The following ABCC9 variants were observed in gnomAD, a reference collection of about 807,000 sequenced individuals.
ABCC9 encodes ATP-binding cassette sub-family C member 9.
A neutral mutation model predicts 188.3 loss-of-function variants in ABCC9; 95 were observed. The observed-to-expected ratio is 0.50, with a 90% confidence interval of 0.43 to 0.60. ABCC9 has a LOEUF of 0.60. Among genes scored for constraint, ABCC9 ranks in the 20% least tolerant of loss-of-function variants. The pLI, the probability that ABCC9 is intolerant of heterozygous loss-of-function variation, is 0.00. For missense variants in ABCC9, 1,102 were observed against 1,876.3 expected (o/e 0.59, Z 7.62); for synonymous variants, 659 against 652.7 (o/e 1.01, Z -0.15).
intron 8 of ABCC9, 46 bp from the exon 9 acceptor site, chr12:21,911,024 A>G (rs1421491536): frequency 1.9e-6 from 3 of 1,589,198 alleles, no homozygotes; most frequent in African/African-American, 2.7e-5. Flanking sequence ...TCGTCTTTTT[A>G]TAGACCAGGT....
intron 15 of ABCC9, among the ~76,000 whole-genome samples, chr12:21,887,112 G>GA (rs1946914156): frequency 6.7e-6 from 1 of 148,976 alleles, no homozygotes; most frequent in South Asian, 2.1e-4. Context: ...CCTAAGTCTT[G>GA]GCACAAAGCA....
intron 15 of ABCC9, 40 bp downstream of exon 15, chr12:21,887,785 TC>T (rs1565449020): frequency 8.2e-7 from 1 of 1,218,442 alleles, no homozygotes; most frequent in East Asian, 2.3e-5. Context: ...GCTGAGACTG[TC>T]CTCTATTCAC....
At chr12:21,848,336 T>A (rs1406674987) in intron 24 of ABCC9, 90 bp from the exon 25 acceptor site, 4 of 1,145,048 alleles carry the variant, frequency 3.5e-6, no homozygotes, top group Non-Finnish European at 3.9e-6. Flanking sequence ...AATGGTTAGT[T>A]ACCTTTACCA....
intron 16 of ABCC9, among the ~76,000 whole-genome samples, chr12:21,881,954 T>G (rs1946638692): frequency 6.6e-6 from 1 of 152,210 alleles, no homozygotes; most frequent in African/African-American, 2.4e-5. Context: ...TAGCACTAGC[T>G]TGTTCCACTC....
At chr12:21,831,450 G>T (rs1490998234) in intron 30 of ABCC9, among the ~76,000 whole-genome samples, 1 of 152,108 alleles carries the variant, frequency 6.6e-6, no homozygotes, top group African/African-American at 2.4e-5. Context: ...CTCCCTTGAA[G>T]GGTCAACTGT....
intron 15 of ABCC9, among the ~76,000 whole-genome samples, chr12:21,883,206 G>T (rs1946706470): frequency 6.6e-6 from 1 of 152,194 alleles, no homozygotes; most frequent in South Asian, 2.1e-4. Context: ...CAACTGCATG[G>T]TGTTAAAAGG....
intron 22 of ABCC9, among the ~76,000 whole-genome samples, chr12:21,855,568 G>A (rs1261038763): frequency 1.3e-5 from 2 of 152,098 alleles, no homozygotes. Flanking sequence ...ATAATTGAAA[G>A]TCCATTATCT....
Position 21,868,428 on chromosome 12 carries a change from A to G in ABCC9, c.2199-3951T>C, listed in dbSNP as rs566087714. 4.6e-5 allele frequency among the ~76,000 whole-genome samples: 7 copies of G among 152,316 alleles called. No homozygotes were observed. The South Asian group carries it at 1.4e-3, about 32-fold the overall frequency. The stretch of plus-strand genomic sequence containing the variant: ...GCCGAGACAGGCGGATTATGAGGTC[A>G]GGAGATCGAGACCATCCTGGCAAAC... On this transcript the variant is annotated intron_variant, in intron 18 of 39. Transcript: ENST00000261200.
intron 5 of ABCC9, among the ~76,000 whole-genome samples, chr12:21,919,769 A>G (rs1000866768): frequency 1.3e-5 from 2 of 152,074 alleles, no homozygotes; most frequent in Non-Finnish European, 2.9e-5. Context: ...CTCATTTATG[A>G]AGCCAGTTTA....
intron 30 of ABCC9, among the ~76,000 whole-genome samples, chr12:21,831,362 C>G (rs74914122): frequency 2.6e-5 from 4 of 152,048 alleles, no homozygotes; most frequent in African/African-American, 9.7e-5. Context: ...TCCATTCATT[C>G]GGGAGCATTT....
rs1948041744 is a variant in ABCC9, at chr12:21,906,233, A to C, written c.1511T>G (p.Leu504Arg). The C allele has an allele frequency of 6.2e-7, 1 of 1,612,860 alleles. No individual in the cohort carries two copies. The highest frequency in any genetic ancestry group is 1.7e-5 in the Admixed American group (1 of 59,814). Residue 504 changes from leucine (L) to arginine (R), a missense_variant, in exon 12 of 40, where the codon CTT (leucine) becomes CGT (arginine). Transcript: ENST00000261200. Reference protein sequence around the residue: ...KTNEILKGIKLLKLYAWEHIF... With the variant: ...KTNEILKGIKRLKLYAWEHIF... ...GTGTTCCCAGGCATACAATTTTAGA[A>C]GTTTGATGCCTTTCAATATTTCATT...
Position 21,906,039 on chromosome 12 carries a change from T to A in ABCC9, c.1618+87A>T, listed in dbSNP as rs1165424959. The A allele has an allele frequency of 2.8e-6, 4 of 1,430,738 alleles. No homozygotes were observed. In the African/African-American group the frequency reaches 5.6e-5, roughly 20 times the overall value. The allele number at this position is 1,430,738 out of a possible 1,614,324, so 88.6% of individuals were successfully genotyped here. ...AGGTGTCCTTGAAGAACTAGAATGT[T>A]TCATTGATCACAATCTAAACTGAAT... On this transcript the variant is annotated intron_variant, in intron 12 of 39. Transcript: ENST00000261200.
intron 39 of ABCC9, chr12:21,805,250 A>G: frequency 5.0e-6 from 8 of 1,613,664 alleles, no homozygotes; most frequent in Non-Finnish European, 6.8e-6. Context: ...ATCACACTCC[A>G]CTAAAATACC....
At chr12:21,858,167 C>T (rs1945325005) in intron 22 of ABCC9, among the ~76,000 whole-genome samples, 1 of 152,146 alleles carries the variant, frequency 6.6e-6, no homozygotes, top group Non-Finnish European at 1.5e-5. Flanking sequence ...GAAAGCCACA[C>T]CCAGGGGACC....
At chr12:21,821,014 T>A (rs982232663) in intron 31 of ABCC9, among the ~76,000 whole-genome samples, 1 of 152,224 alleles carries the variant, frequency 6.6e-6, no homozygotes, top group Non-Finnish European at 1.5e-5. Context: ...AATACATTGA[T>A]TGTAAAGCTT....
At chr12:21,846,896 G>C (rs1944697576) in intron 25 of ABCC9, among the ~76,000 whole-genome samples, 1 of 152,014 alleles carries the variant, frequency 6.6e-6, no homozygotes, top group African/African-American at 2.4e-5. Flanking sequence ...TCCAAGCAAT[G>C]AAAGAGCCAA....
At chr12:21,898,740 T>A (rs960592360) in intron 12 of ABCC9, among the ~76,000 whole-genome samples, 1 of 152,194 alleles carries the variant, frequency 6.6e-6, no homozygotes, top group Non-Finnish European at 1.5e-5. Context: ...TTGTGTAAAG[T>A]ATACTAACAT....
chr12:21,918,505 A>G (rs1315769300), intron 5 of ABCC9, among the ~76,000 whole-genome samples: 2 of 152,198 alleles, frequency 1.3e-5, no homozygotes, highest in Non-Finnish European at 2.9e-5. Flanking sequence ...TCTGACCACA[A>G]TAAAGTTAAA....
At chr12:21,846,029 TAAAAC>T (rs935209304) in intron 25 of ABCC9, among the ~76,000 whole-genome samples, 197 bp from the exon 26 acceptor site, 10 of 152,284 alleles carry the variant, frequency 6.6e-5, no homozygotes, top group Non-Finnish European at 1.2e-4. Context: ...GAATGAGTGA[TAAAAC>T]AAATGTAAAA....
Sources: allele counts gnomAD v4.1 joint callset (sites outside exome capture counted in the v4.1 genomes callset), GRCh38; gene constraint gnomAD v4.1.1; transcripts MANE v1.5; gene names NCBI Gene and HGNC (gene_info 2026-07-23, HGNC 2026-07-21).